Variants in ADAMTS20 observed in about 807,000 individuals in gnomAD.
ADAMTS20 encodes ADAM metallopeptidase with thrombospondin type 1 motif 20.
In ADAMTS20, 225 loss-of-function variants were observed where a neutral mutation model predicts 260.1. That is an observed-to-expected ratio of 0.87 (90% CI 0.78 to 0.97). The LOEUF is 0.97. ADAMTS20 is among the 50% of genes least tolerant of loss of function. ADAMTS20 has a pLI of 0.00. For missense variants in ADAMTS20, 2,400 were observed against 2,337.7 expected (o/e 1.03, Z -0.55); for synonymous variants, 802 against 769.5 (o/e 1.04, Z -0.70).
intron 31 of ADAMTS20, among the ~76,000 whole-genome samples, chr12:43,379,076 G>T (rs1046533264): frequency 3.9e-5 from 6 of 152,184 alleles, no homozygotes; most frequent in Non-Finnish European, 5.9e-5. Context: ...CTGGAGGGGA[G>T]CAGAACAGGC....
intron 37 of ADAMTS20, among the ~76,000 whole-genome samples, chr12:43,357,107 G>C (rs1164360112): frequency 6.6e-6 from 1 of 152,134 alleles, no homozygotes; most frequent in Non-Finnish European, 1.5e-5. Context: ...TTCTTTCCAA[G>C]TGCAGGACCA....
intron 4 of ADAMTS20, among the ~76,000 whole-genome samples, chr12:43,496,926 G>T (rs1231893549): frequency 6.6e-6 from 1 of 151,912 alleles, no homozygotes; most frequent in African/African-American, 2.4e-5. Context: ...GTAGTCCTTA[G>T]CCCCCCGACC....
chr12:43,367,190 C>T (rs957213733), intron 37 of ADAMTS20, among the ~76,000 whole-genome samples: 10 of 151,726 alleles, frequency 6.6e-5, no homozygotes, highest in African/African-American at 1.9e-4. Context: ...CGTCCCGCTA[C>T]ATTCTATAAG....
chr12:43,364,781 T>TGC (rs1299781412), intron 37 of ADAMTS20, among the ~76,000 whole-genome samples: 1 of 151,856 alleles, frequency 6.6e-6, no homozygotes, highest in Non-Finnish European at 1.5e-5. Context: ...GACAGAAGAA[T>TGC]TAAAAAGAGC....
At chr12:43,499,996 C>T in intron 4 of ADAMTS20, among the ~76,000 whole-genome samples, 1 of 150,604 alleles carries the variant, frequency 6.6e-6, no homozygotes. Context: ...TAGTATTTTC[C>T]TTCAGTATCT....
chr12:43,532,462 A>C (rs1010257017), intron 2 of ADAMTS20, among the ~76,000 whole-genome samples: 12 of 152,150 alleles, frequency 7.9e-5, no homozygotes, highest in African/African-American at 2.9e-4. Flanking sequence ...CATAGATAAA[A>C]GCATCAAAAT....
At chr12:43,379,074 G>T (rs1026772528) in intron 31 of ADAMTS20, among the ~76,000 whole-genome samples, 11 of 152,164 alleles carry the variant, frequency 7.2e-5, no homozygotes, top group African/African-American at 2.2e-4. Context: ...CACTGGAGGG[G>T]AGCAGAACAG....
chr12:43,533,822 G>A (rs1217868846), intron 2 of ADAMTS20, among the ~76,000 whole-genome samples: 24 of 2,916 alleles, frequency 8.2e-3, no homozygotes, highest in South Asian at 0.045. Context: ...AAATAATGCC[G>A]CATATCTACA....
In ADAMTS20 at chr12:43,432,636, C is replaced by CA; in HGVS notation, c.2895dup (p.Val966CysfsTer31). On this transcript the variant is annotated frameshift_variant, in exon 20 of 39. Coordinates refer to ENST00000389420, the MANE Select transcript of ADAMTS20 (RefSeq NM_025003.5). LOFTEE classifies it high-confidence loss of function. ...TCTGAATAATGCCATCTTGTGAAGA[C>CA]ACAGTTACCATGGCATAGTTCTTGG... 6.2e-7 allele frequency: 1 copy of CA among 1,613,906 alleles called. No homozygotes were observed. The highest frequency in any genetic ancestry group is 8.5e-7 in the Non-Finnish European group (1 of 1,179,860).
intron 18 of ADAMTS20, 121 bp downstream of exon 18, chr12:43,439,501 G>T: frequency 2.6e-6 from 3 of 1,163,198 alleles, no homozygotes; most frequent in South Asian, 1.8e-5. Context: ...ACTTTTGTAT[G>T]TCTGTGGGAT....
In ADAMTS20 at chr12:43,435,734, T is replaced by TAGA. The variant is rs1941542836; in HGVS notation, c.2594-1366_2594-1364dup. ...CATGGATACAGATACCAAGTTGGAGTAGACCCATAGCCAATTAGCAGCCAA... is the reference window on the plus strand; with the variant it reads ...CATGGATACAGATACCAAGTTGGAGTAGAAGACCCATAGCCAATTAGCAGCCAA... On this transcript the variant is annotated intron_variant, in intron 18 of 38. Transcript: ENST00000389420. Among the ~76,000 whole-genome samples the TAGA allele has an allele frequency of 3.1e-5, 4 of 130,180 alleles. No homozygotes were observed. The South Asian group carries it at 1.0e-3, about 33-fold the overall frequency. 85.4% of individuals were successfully genotyped at this position (130,180 alleles called of 152,430 possible).
chr12:43,368,589 G>A (rs557215003), intron 37 of ADAMTS20, among the ~76,000 whole-genome samples: 1 of 152,116 alleles, frequency 6.6e-6, no homozygotes, highest in East Asian at 1.9e-4. Context: ...TATCAATATA[G>A]TAATTACCAC....
intron 29 of ADAMTS20, 43 bp downstream of exon 29, chr12:43,399,023 T>A (rs1414709017): frequency 4.2e-6 from 5 of 1,196,788 alleles, no homozygotes; most frequent in Non-Finnish European, 5.4e-6. Flanking sequence ...TCTTTTTAAA[T>A]ACAAAAAAAT....
intron 4 of ADAMTS20, among the ~76,000 whole-genome samples, chr12:43,497,976 G>GA (rs1467810714): frequency 3.9e-5 from 6 of 151,942 alleles, no homozygotes; most frequent in African/African-American, 1.4e-4. Flanking sequence ...ATATACTGAA[G>GA]AAAAAACTGC....
At chr12:43,490,724 T>C (rs1230452731) in intron 6 of ADAMTS20, among the ~76,000 whole-genome samples, 2 of 152,128 alleles carry the variant, frequency 1.3e-5, no homozygotes, top group Non-Finnish European at 2.9e-5. Flanking sequence ...ACACAGTATA[T>C]GTAATATAGT....
chr12:43,362,846 G>A (rs1191117070), intron 37 of ADAMTS20, among the ~76,000 whole-genome samples: 12 of 144,942 alleles, frequency 8.3e-5, no homozygotes, highest in Admixed American at 2.7e-4. Flanking sequence ...AAAAAAAAAA[G>A]GTGAAAAGGG....
intron 37 of ADAMTS20, among the ~76,000 whole-genome samples, chr12:43,358,740 G>A (rs1032344278): frequency 6.7e-6 from 1 of 150,278 alleles, no homozygotes; most frequent in African/African-American, 2.5e-5. Flanking sequence ...GGGAGGCTGA[G>A]GCAGGAGAAT....
At chr12:43,548,737 A>T (rs1943473488) in intron 2 of ADAMTS20, among the ~76,000 whole-genome samples, 1 of 152,058 alleles carries the variant, frequency 6.6e-6, no homozygotes, top group African/African-American at 2.4e-5. Flanking sequence ...GTAGATCTTG[A>T]TACCTCTAGT....
chr12:43,431,570 C>T, intron 21 of ADAMTS20, 74 bp from the exon 22 acceptor site: 1 of 1,498,012 alleles, frequency 6.7e-7, no homozygotes, highest in Non-Finnish European at 9.3e-7. Flanking sequence ...ATGCAATGAT[C>T]AATTTGCATA....
Sources: allele counts gnomAD v4.1 joint callset (sites outside exome capture counted in the v4.1 genomes callset), GRCh38; gene constraint gnomAD v4.1.1; transcripts MANE v1.5; gene names NCBI Gene and HGNC (gene_info 2026-07-23, HGNC 2026-07-21).